The following SSH1 variants were observed in gnomAD, a reference collection of about 807,000 sequenced individuals.
The protein encoded by SSH1 is slingshot protein phosphatase 1.
A neutral mutation model predicts 79.7 loss-of-function variants in SSH1; 43 were observed. The ratio of observed to expected loss-of-function variants is 0.54; its 90% CI spans 0.42 to 0.70. SSH1 has a LOEUF of 0.70. Ranked by LOEUF, SSH1 falls within the 30% of genes least tolerant of loss-of-function variation. The pLI is 0.00. For synonymous variants in SSH1, 599 were observed against 538.3 expected (o/e 1.11, Z -1.56); for missense variants, 1,206 against 1,358.8 (o/e 0.89, Z 1.77).
At chr12:108,839,581 T>G (rs1011415494) in intron 2 of SSH1, among the ~76,000 whole-genome samples, 6 of 152,080 alleles carry the variant, frequency 3.9e-5, no homozygotes, top group Non-Finnish European at 7.3e-5. Flanking sequence ...ATGACTTCTG[T>G]GGGCACAGGG....
rs561062800 is a variant in SSH1 at position 108,787,686 on chromosome 12, CTA to C, written c.*300_*301del. On this transcript the variant is annotated 3_prime_UTR_variant, in exon 15 of 15. Transcript: ENST00000326495. ...AAGGGAACAGTCTGGATGTGTGCGC[CTA>C]TGTGTGCACGTTCTTCCTAAAACAT... The C allele has an allele frequency of 2.2e-4, 98 of 442,934 alleles. 1 individual carries two copies. The East Asian group carries it at 4.5e-3, about 20-fold the overall frequency. The allele number at this position is 442,934 out of a possible 1,614,324, so 27.4% of individuals were successfully genotyped here. A position where few individuals can be genotyped will look rare whatever the true frequency, so the allele number is the denominator to read the frequency against.
intron 5 of SSH1, 140 bp downstream of exon 5, chr12:108,816,898 C>G: frequency 7.7e-7 from 1 of 1,293,484 alleles, no homozygotes; most frequent in Non-Finnish European, 1.1e-6. Context: ...CCCTAGTGTT[C>G]CCAGTGGCTC....
At chr12:108,805,719 G>C (rs1178688862) in intron 9 of SSH1, among the ~76,000 whole-genome samples, 2 of 150,732 alleles carry the variant, frequency 1.3e-5, no homozygotes, top group Non-Finnish European at 2.9e-5. Flanking sequence ...GATTATAAAT[G>C]AACTTTTAAA....
At chr12:108,856,095 G>A (rs1461002911) in intron 1 of SSH1, among the ~76,000 whole-genome samples, 4 of 152,226 alleles carry the variant, frequency 2.6e-5, no homozygotes, top group African/African-American at 9.7e-5. Context: ...TGCTGGCTGC[G>A]GAACTTCCTG....
intron 2 of SSH1, among the ~76,000 whole-genome samples, chr12:108,842,594 C>G (rs1321285933): frequency 6.6e-6 from 1 of 152,216 alleles, no homozygotes; most frequent in Non-Finnish European, 1.5e-5. Context: ...TTAAGTACAG[C>G]TCAGGGAGTT....
At chr12:108,804,850 G>A (rs867719841) in intron 10 of SSH1, among the ~76,000 whole-genome samples, 1 of 152,178 alleles carries the variant, frequency 6.6e-6, no homozygotes, top group Non-Finnish European at 1.5e-5. Flanking sequence ...TGGAAGCCAC[G>A]TCTCAAACAG....
intron 2 of SSH1, among the ~76,000 whole-genome samples, chr12:108,831,192 CA>C (rs1466829042): frequency 4.6e-5 from 7 of 152,134 alleles, no homozygotes; most frequent in African/African-American, 1.7e-4. Context: ...CAGGCTGAGA[CA>C]AACGGAATCA....
intron 2 of SSH1, among the ~76,000 whole-genome samples, chr12:108,847,350 T>A (rs1450443602): frequency 6.6e-6 from 1 of 152,200 alleles, no homozygotes; most frequent in African/African-American, 2.4e-5. Context: ...GATGCCAAAC[T>A]TAGGTCTGCC....
intron 3 of SSH1, among the ~76,000 whole-genome samples, 158 bp downstream of exon 3, chr12:108,823,100 A>G (rs549888867): frequency 1.3e-5 from 2 of 152,356 alleles, no homozygotes; most frequent in South Asian, 4.1e-4. Context: ...TGGTCTGCTC[A>G]AGAGAGAGCA....
At chr12:108,836,520 C>T (rs2038635206) in intron 2 of SSH1, among the ~76,000 whole-genome samples, 5 of 152,168 alleles carry the variant, frequency 3.3e-5, no homozygotes, top group Admixed American at 3.3e-4. Context: ...GGATGAGATC[C>T]CACTGGCCCT....
chr12:108,810,630 A>G (rs1010587402), intron 6 of SSH1, among the ~76,000 whole-genome samples: 5 of 152,220 alleles, frequency 3.3e-5, no homozygotes, highest in African/African-American at 9.6e-5. Flanking sequence ...TTCTCTTCCC[A>G]TCCTACAAGG....
At chr12:108,830,675 T>A (rs976121097) in intron 2 of SSH1, among the ~76,000 whole-genome samples, 2 of 151,968 alleles carry the variant, frequency 1.3e-5, no homozygotes, top group African/African-American at 4.8e-5. Context: ...AATAATACTC[T>A]CTTTGGAAGC....
chr12:108,824,378 A>G (rs1461060110), intron 2 of SSH1, among the ~76,000 whole-genome samples: 1 of 152,016 alleles, frequency 6.6e-6, no homozygotes, highest in Non-Finnish European at 1.5e-5. Context: ...AGCCCCAGGG[A>G]CGGAGGTTGG....
chr12:108,783,412 T>C lies in SSH1; in HGVS notation c.*4576A>G, dbSNP rs962896512. The C allele has an allele frequency of 2.0e-5, 3 of 152,232 alleles. No individual in the cohort carries two copies. Among genetic ancestry groups the C allele is most frequent in the East Asian group, 1.9e-4 (1 of 5,202 alleles). 9.4% of individuals were successfully genotyped at this position (152,232 alleles called of 1,614,324 possible). ...ACAGTTTTGCATAAATACATAGTAT[T>C]TGTAAACTATTATTAAGGCACTCAA... On this transcript the variant is annotated 3_prime_UTR_variant, in exon 15 of 15. Coordinates refer to ENST00000326495, the MANE Select transcript of SSH1 (RefSeq NM_018984.4).
chr12:108,787,647 T>C lies in SSH1; in HGVS notation c.*341A>G, dbSNP rs760231517. On this transcript the variant is annotated 3_prime_UTR_variant, in exon 15 of 15. Coordinates refer to ENST00000326495, the MANE Select transcript of SSH1 (RefSeq NM_018984.4). ...GGTGAGGCTGCCACCACCAGGACTC[T>C]TCTGCAGGATGCGAAGGGAACAGTC... 8.8e-6 allele frequency: 3 copies of C among 340,260 alleles called. No homozygotes were observed. Among genetic ancestry groups the C allele is most frequent in the Non-Finnish European group, 1.1e-5 (2 of 179,358 alleles). The allele number at this position is 340,260 out of a possible 1,614,324, so 21.1% of individuals were successfully genotyped here.
chr12:108,800,209 AG>A (rs2137029433), intron 12 of SSH1, among the ~76,000 whole-genome samples: 1 of 152,276 alleles, frequency 6.6e-6, no homozygotes, highest in South Asian at 2.1e-4. Flanking sequence ...GCTGTTTCGC[AG>A]GGGAATAAAA....
At chr12:108,791,956 T>C in intron 14 of SSH1, 3 of 1,315,936 alleles carry the variant, frequency 2.3e-6, no homozygotes, top group Non-Finnish European at 2.9e-6. Context: ...TAATTTTACA[T>C]ACACAAAAAG....
rs775408997 is a variant in SSH1, at chr12:108,789,083, G to A, written c.2055C>T (p.His685=). 1.9e-6 allele frequency: 3 copies of A among 1,613,264 alleles called. No homozygotes were observed. Among genetic ancestry groups the A allele is most frequent in the East Asian group, 4.5e-5 (2 of 44,854 alleles). The change falls in exon 15 of 15, where the codon CAC becomes CAT. Residue 685 remains histidine (H), a synonymous_variant. Transcript: ENST00000326495. The part of the protein sequence containing the change: ...AICTQPAFLP[H]ITSSPVAHLA... ...AGTGGGCCACAGGGGAGGACGTGAT[G>A]TGGGGTAGGAAGGCTGGCTGGGTGC...
chr12:108,857,471 G>C lies in SSH1; in HGVS notation c.26C>G (p.Ser9Trp), dbSNP rs1371922201. 8.8e-7 allele frequency: 1 copy of C among 1,132,858 alleles called. No individual in the cohort carries two copies. Among genetic ancestry groups the C allele is most frequent in the Non-Finnish European group, 1.1e-6 (1 of 905,424 alleles). 70.2% of individuals were successfully genotyped at this position (1,132,858 alleles called of 1,614,324 possible). Reference sequence around the variant, plus strand: ...GGAGGAGGCGGCGCTGGGCGTGGGCGAGCGCTGCAGGGTCACCAGGGCCAT... The same window carrying C: ...GGAGGAGGCGGCGCTGGGCGTGGGCCAGCGCTGCAGGGTCACCAGGGCCAT... MALVTLQR[S>W]PTPSAASSSA... Residue 9 changes from serine to tryptophan, a missense_variant, in exon 1 of 15, where the codon TCG becomes TGG. Physicochemically the swap from Ser to Trp is radical, Grantham distance 177 (BLOSUM62 -3). Around this residue, in one of 5 missense-constraint regions of SSH1, gnomAD observed 100 missense variants for 82.3 expected, o/e 1.21. Transcript: ENST00000326495. The surrounding 1 kb of genome is among the most constrained non-coding windows in gnomAD (Gnocchi z 4.7).
Sources: gnomAD v4.1 joint callset for allele counts (sites outside exome capture counted in the v4.1 genomes callset) on GRCh38, gnomAD v4.1.1 for gene constraint, gnomAD v4.1.1 regional missense constraint, Gnocchi (gnomAD v3.1) non-coding constraint, MANE v1.5 for transcripts, NCBI Gene and HGNC (gene_info 2026-07-23, HGNC 2026-07-21) for gene names.